Variants in XKR6 observed in about 807,000 individuals in gnomAD.
XKR6 encodes the protein XK-related protein 6.
In XKR6, 22 loss-of-function variants were observed where a neutral mutation model predicts 56.7. The observed-to-expected ratio is 0.39, with a 90% CI of 0.28 to 0.55. XKR6 has a LOEUF of 0.55. Among genes scored for constraint, XKR6 ranks in the 20% least tolerant of loss-of-function variants. XKR6 has a pLI of 0.66. For missense variants in XKR6, 852 were observed against 889.0 expected, an observed-to-expected ratio of 0.96 and a Z score of 0.53; for synonymous variants, 524 against 387.8, an observed-to-expected ratio of 1.35 and a Z score of -4.13.
At chr8:11,051,511 G>A (rs765525456) in intron 1 of XKR6, among the ~76,000 whole-genome samples, 2 of 152,162 alleles carry the variant, frequency 1.3e-5, no homozygotes, top group African/African-American at 2.4e-5. Context: ...CCCCAGCGGA[G>A]TAAAGGACAC....
At chr8:11,063,248 T>C (rs1799885299) in intron 1 of XKR6, among the ~76,000 whole-genome samples, 1 of 151,882 alleles carries the variant, frequency 6.6e-6, no homozygotes, top group Non-Finnish European at 1.5e-5. Flanking sequence ...AAGATTAGCT[T>C]GTCTTCAGAG....
At chr8:11,167,910 A>T (rs1326202177) in intron 1 of XKR6, among the ~76,000 whole-genome samples, 2 of 139,700 alleles carry the variant, frequency 1.4e-5, no homozygotes, top group African/African-American at 3.0e-5. Context: ...AAAAAAAAAA[A>T]AACCACACAC....
At chr8:11,158,658 C>T (rs1801642559) in intron 1 of XKR6, among the ~76,000 whole-genome samples, 1 of 152,188 alleles carries the variant, frequency 6.6e-6, no homozygotes, top group Admixed American at 6.5e-5. Flanking sequence ...AACGTTTAAA[C>T]ACAGGTCTCT....
At chr8:10,963,880 C>T (rs932711875) in intron 1 of XKR6, among the ~76,000 whole-genome samples, 1 of 152,224 alleles carries the variant, frequency 6.6e-6, no homozygotes, top group Non-Finnish European at 1.5e-5. Context: ...GATGTGAACA[C>T]TGCATGAACT....
chr8:10,981,331 C>A (rs1797730866), intron 1 of XKR6, among the ~76,000 whole-genome samples: 1 of 152,178 alleles, frequency 6.6e-6, no homozygotes, highest in Non-Finnish European at 1.5e-5. Flanking sequence ...TTTTCGGATG[C>A]ACTGCACGTT....
rs1480900475 is a variant in XKR6, at chr8:10,898,535, A to G, written c.1343T>C (p.Ile448Thr). Reference protein sequence around the residue: ...TRYRMFAYYTIVLTENAALTF... With the variant: ...TRYRMFAYYTTVLTENAALTF... ...CAAGGCAGCATTCTCGGTCAAGACT[A>G]TCGTATAATATGCAAACATTCGATA... Residue 448 changes from isoleucine to threonine, a missense_variant, in exon 3 of 3, where the codon ATA becomes ACA. Around this residue, in one of 4 missense-constraint regions of XKR6, gnomAD observed 197 missense variants for 190.9 expected, o/e 1.03. Transcript: ENST00000416569. The surrounding 1 kb of genome is among the most constrained non-coding windows in gnomAD (Gnocchi z 6.6). The G allele has an allele frequency of 6.2e-7, 1 of 1,614,116 alleles. No individual in the cohort carries two copies. The highest frequency in any genetic ancestry group is 8.5e-7 in the Non-Finnish European group (1 of 1,180,014).
intron 1 of XKR6, among the ~76,000 whole-genome samples, chr8:11,082,064 G>A (rs1420594390): frequency 2.0e-5 from 3 of 152,228 alleles, no homozygotes; most frequent in Non-Finnish European, 2.9e-5. Flanking sequence ...GACCAGGCTG[G>A]TGTAGGCTTT....
Position 10,896,703 on chromosome 8 carries a change from C to A in XKR6, c.*1249G>T, listed in dbSNP as rs1054684796. The A allele has an allele frequency of 6.6e-6, 1 of 151,722 alleles. No individual in the cohort carries two copies. The highest frequency in any genetic ancestry group is 1.5e-5 in the Non-Finnish European group (1 of 67,914). The allele number at this position is 151,722 out of a possible 1,614,324, so 9.4% of individuals were successfully genotyped here. On this transcript the variant is annotated 3_prime_UTR_variant, in exon 3 of 3. Coordinates refer to ENST00000416569, the MANE Select transcript of XKR6 (RefSeq NM_173683.4). ...AGTCTTTGAAATGGGTCAGTTATTACAATTTTGACTTTTTATATATATGTA... is the reference window on the plus strand; with the variant it reads ...AGTCTTTGAAATGGGTCAGTTATTAAAATTTTGACTTTTTATATATATGTA...
chr8:11,145,885 T>A (rs1403631907), intron 1 of XKR6, among the ~76,000 whole-genome samples: 1 of 152,116 alleles, frequency 6.6e-6, no homozygotes, highest in Non-Finnish European at 1.5e-5. Flanking sequence ...CCCACAATAG[T>A]CAAAATGATT....
chr8:11,057,583 G>A (rs1473334671), intron 1 of XKR6, among the ~76,000 whole-genome samples: 6 of 152,144 alleles, frequency 3.9e-5, no homozygotes, highest in African/African-American at 4.8e-5. Flanking sequence ...GAGTTCCCAC[G>A]GTCACAGAGG....
chr8:10,911,888 T>C (rs531803571), intron 2 of XKR6, among the ~76,000 whole-genome samples: 2 of 150,430 alleles, frequency 1.3e-5, no homozygotes, highest in South Asian at 2.1e-4. Context: ...GGTGTGTATA[T>C]ATATAGAGAG....
At chr8:11,139,538 G>A (rs760837359) in intron 1 of XKR6, among the ~76,000 whole-genome samples, 3 of 152,108 alleles carry the variant, frequency 2.0e-5, no homozygotes, top group African/African-American at 7.2e-5. Flanking sequence ...CAGTCCGAGG[G>A]ACTAGATGAG....
At chr8:10,983,034 G>T (rs749665757) in intron 1 of XKR6, among the ~76,000 whole-genome samples, 1 of 152,172 alleles carries the variant, frequency 6.6e-6, no homozygotes, top group Non-Finnish European at 1.5e-5. Flanking sequence ...GTAAGCATCA[G>T]ATGAAAGAAT....
At chr8:10,926,160 A>G (rs1213931712) in intron 1 of XKR6, among the ~76,000 whole-genome samples, 1 of 152,156 alleles carries the variant, frequency 6.6e-6, no homozygotes, top group Non-Finnish European at 1.5e-5. Flanking sequence ...GGCCTCAGGT[A>G]TTACCAAGAA....
chr8:11,057,978 T>C (rs1343976560), intron 1 of XKR6, among the ~76,000 whole-genome samples: 50 of 152,214 alleles, frequency 3.3e-4, no homozygotes, highest in Admixed American at 3.3e-3. Flanking sequence ...TGTGTCTGTG[T>C]CTTGTCATAT....
chr8:11,065,709 C>G (rs548146954), intron 1 of XKR6, among the ~76,000 whole-genome samples: 1 of 152,160 alleles, frequency 6.6e-6, no homozygotes. Flanking sequence ...CCCTCCAAGC[C>G]GGGCTAAAGT....
intron 1 of XKR6, among the ~76,000 whole-genome samples, chr8:11,101,253 G>A (rs1798468947): frequency 6.6e-6 from 1 of 152,160 alleles, no homozygotes; most frequent in Non-Finnish European, 1.5e-5. Flanking sequence ...TCAAAAATTG[G>A]AAAGAACCTG....
intron 1 of XKR6, among the ~76,000 whole-genome samples, chr8:11,136,270 T>C (rs778044919): frequency 2.6e-5 from 4 of 152,218 alleles, no homozygotes; most frequent in Non-Finnish European, 5.9e-5. Context: ...ATCCCAGCAC[T>C]CTGGGAGGCC....
chr8:11,111,100 C>T (rs1179603561), intron 1 of XKR6, among the ~76,000 whole-genome samples: 3 of 151,090 alleles, frequency 2.0e-5, no homozygotes, highest in East Asian at 3.9e-4. Context: ...GTGATCTGCC[C>T]GCCTCGGCCT....
Sources: gnomAD v4.1 joint callset for allele counts (sites outside exome capture counted in the v4.1 genomes callset) on GRCh38, gnomAD v4.1.1 for gene constraint, gnomAD v4.1.1 regional missense constraint, Gnocchi (gnomAD v3.1) non-coding constraint, MANE v1.5 for transcripts, NCBI Gene and HGNC (gene_info 2026-07-23, HGNC 2026-07-21) for gene names.